SRGAP3: variants seen among roughly 807,000 people sequenced by gnomAD.
The protein encoded by SRGAP3 is SLIT-ROBO Rho GTPase activating protein 3.
A neutral mutation model predicts 121.1 loss-of-function variants in SRGAP3; 39 were observed. The ratio of observed to expected loss-of-function variants is 0.32; its 90% CI spans 0.25 to 0.42. SRGAP3 has a LOEUF of 0.42. Among genes scored for constraint, SRGAP3 ranks in the 10% least tolerant of loss-of-function variants. The pLI is 1.00. For synonymous variants in SRGAP3, 601 were observed against 570.0 expected (o/e 1.05, Z -0.77); for missense variants, 1,213 against 1,470.6 (o/e 0.82, Z 2.86).
intron 3 of SRGAP3, among the ~76,000 whole-genome samples, chr3:9,268,345 T>G (rs927128972): frequency 2.0e-5 from 3 of 151,626 alleles, no homozygotes; most frequent in African/African-American, 4.8e-5. Flanking sequence ...TCTTCCCCCC[T>G]CTCTCTTCTC....
chr3:9,099,585 G>C (rs1219751845), intron 3 of SRGAP3, among the ~76,000 whole-genome samples: 1 of 152,238 alleles, frequency 6.6e-6, no homozygotes, highest in Non-Finnish European at 1.5e-5. Flanking sequence ...TGAGTTTGGA[G>C]CCAGACTCTG....
chr3:9,140,867 T>C (rs77845381), intron 1 of SRGAP3, among the ~76,000 whole-genome samples: 3,473 of 152,256 alleles, frequency 0.023, 116 homozygotes, highest in African/African-American at 0.079. Flanking sequence ...TCAATATCTA[T>C]TGGCCCTGGG....
chr3:9,128,795 T>C (rs1410906254), intron 1 of SRGAP3, among the ~76,000 whole-genome samples: 1 of 152,218 alleles, frequency 6.6e-6, no homozygotes, highest in Non-Finnish European at 1.5e-5. Context: ...AACAGCAACA[T>C]GTTTGAAATC....
At chr3:9,303,628 T>C (rs1955106464) in intron 3 of SRGAP3, among the ~76,000 whole-genome samples, 1 of 152,180 alleles carries the variant, frequency 6.6e-6, no homozygotes, top group Non-Finnish European at 1.5e-5. Flanking sequence ...GTTCTAAGCA[T>C]TTTATTTATA....
intron 1 of SRGAP3, among the ~76,000 whole-genome samples, chr3:9,191,159 C>G (rs1951742807): frequency 6.6e-6 from 1 of 152,204 alleles, no homozygotes; most frequent in Non-Finnish European, 1.5e-5. Context: ...CGCCCTCATT[C>G]ACCACTTTAG....
intron 1 of SRGAP3, among the ~76,000 whole-genome samples, chr3:9,178,914 G>A (rs1243480357): frequency 6.6e-6 from 1 of 152,196 alleles, no homozygotes; most frequent in Non-Finnish European, 1.5e-5. Context: ...GGCCACAGCT[G>A]CAACGGTTGC....
chr3:9,026,186 G>C (rs193091774), intron 13 of SRGAP3, among the ~76,000 whole-genome samples: 3 of 152,040 alleles, frequency 2.0e-5, no homozygotes, highest in African/African-American at 7.2e-5. Flanking sequence ...TCACCCCCTC[G>C]GAGAAATCTC....
chr3:9,323,804 C>G (rs907301649), intron 3 of SRGAP3, among the ~76,000 whole-genome samples: 5 of 132,636 alleles, frequency 3.8e-5, no homozygotes, highest in Non-Finnish European at 8.2e-5. Context: ...ATCTAACACA[C>G]ACACACACAC....
intron 11 of SRGAP3, chr3:9,037,607 G>A (rs17049971): frequency 0.05 from 11,339 of 225,288 alleles, 343 homozygotes; most frequent in South Asian, 0.099. Flanking sequence ...CCAGCTGCGC[G>A]CAATCTGAGC....
At chr3:9,348,584 GC>G in intron 1 of SRGAP3, 1 of 870,208 alleles carries the variant, frequency 1.1e-6, no homozygotes, top group Non-Finnish European at 1.9e-6. Flanking sequence ...GCTGTGAGAA[GC>G]CGGCTGAGTT....
At chr3:9,275,047 C>A (rs1482382518) in intron 3 of SRGAP3, among the ~76,000 whole-genome samples, 1 of 152,130 alleles carries the variant, frequency 6.6e-6, no homozygotes, top group Admixed American at 6.5e-5. Flanking sequence ...GAGGGTGGAA[C>A]CCTCACCAGG....
Position 8,985,518 on chromosome 3 carries a change from G to A in SRGAP3, c.*1C>T, listed in dbSNP as rs752093030. 2 of 1,598,832 alleles carry A rather than the reference G, an allele frequency of 1.3e-6. No homozygotes were observed. Among genetic ancestry groups the A allele is most frequent in the African/African-American group, 2.7e-5 (2 of 74,972 alleles). The stretch of plus-strand genomic sequence containing the variant: ...CACGGCGGCGCGGCCCATCCTGCAG[G>A]TCACATGGTGCCCGACTTGTCCGCT... On this transcript the variant is annotated 3_prime_UTR_variant, in exon 22 of 22. Transcript: ENST00000383836. This position sits in a 1 kb window ranked among gnomAD's most constrained non-coding sequence, Gnocchi z 5.1.
rs1949031357 is a variant in SRGAP3, at chr3:9,122,201, ATGTGAGCAGTGGT to A, written c.260+2511_260+2523del. ...AAGACAAGGGAGAAATGATTCCAAA[ATGTGAGCAGTGGT>A]TGTGAGCAGTGGGACTATGAATGAT... On this transcript the variant is annotated intron_variant, in intron 2 of 21. Transcript: ENST00000383836. Among the ~76,000 whole-genome samples the A allele has an allele frequency of 2.0e-5, 3 of 152,278 alleles. No homozygotes were observed. The South Asian group carries it at 6.2e-4, about 32-fold the overall frequency.
upstream of SRGAP3, among the ~76,000 whole-genome samples, chr3:9,253,086 C>T (rs1230386816): frequency 6.6e-6 from 1 of 152,186 alleles, no homozygotes; most frequent in African/African-American, 2.4e-5. Context: ...GCTACAGCCC[C>T]ATGAGTCCAG....
At chr3:9,294,728 G>GTGTGTGTGTGTA in intron 3 of SRGAP3, among the ~76,000 whole-genome samples, 1 of 151,500 alleles carries the variant, frequency 6.6e-6, no homozygotes, top group Admixed American at 6.6e-5. Context: ...GTGTGTGTGT[G>GTGTGTGTGTGTA]TGTGTGTGTG....
intron 1 of SRGAP3, among the ~76,000 whole-genome samples, chr3:9,225,464 C>T (rs1952953749): frequency 6.6e-6 from 1 of 152,186 alleles, no homozygotes; most frequent in Non-Finnish European, 1.5e-5. Flanking sequence ...ATAAGGAAAA[C>T]CACTGGGGGC....
intron 3 of SRGAP3, among the ~76,000 whole-genome samples, chr3:9,267,823 T>C (rs1370231862): frequency 2.0e-5 from 3 of 152,164 alleles, no homozygotes; most frequent in Admixed American, 6.5e-5. Flanking sequence ...ATAATGGGAA[T>C]AACAGTTGCA....
intron 3 of SRGAP3, among the ~76,000 whole-genome samples, chr3:9,299,439 A>T (rs1161410469): frequency 6.6e-6 from 1 of 151,936 alleles, no homozygotes; most frequent in Non-Finnish European, 1.5e-5. Flanking sequence ...ATCCCCATCC[A>T]CCATGTTACT....
chr3:8,983,821 A>T lies in SRGAP3; in HGVS notation c.*1698T>A. ...CAGGCTCAATGAGGTGGAGTGACAAACCCTAAGTCAGAAGGCTCCTAAGTG... is the reference window on the plus strand; with the variant it reads ...CAGGCTCAATGAGGTGGAGTGACAATCCCTAAGTCAGAAGGCTCCTAAGTG... On this transcript the variant is annotated 3_prime_UTR_variant, in exon 22 of 22. Transcript: ENST00000383836. 4.3e-6 allele frequency: 1 copy of T among 230,262 alleles called. No individual in the cohort carries two copies. The highest frequency in any genetic ancestry group is 5.6e-5 in the Admixed American group (1 of 17,702). The allele number at this position is 230,262 out of a possible 1,614,324, so 14.3% of individuals were successfully genotyped here. A position where few individuals can be genotyped will look rare whatever the true frequency, so the allele number is the denominator to read the frequency against.
Sources: allele counts gnomAD v4.1 joint callset (sites outside exome capture counted in the v4.1 genomes callset), GRCh38; gene constraint gnomAD v4.1.1; non-coding constraint Gnocchi (gnomAD v3.1); transcripts MANE v1.5; gene names NCBI Gene and HGNC (gene_info 2026-07-23, HGNC 2026-07-21).